The following ASIP variants were observed in gnomAD, a reference collection of about 807,000 sequenced individuals.
ASIP encodes agouti signaling protein, also known as agouti-signaling protein.
In ASIP, 11 loss-of-function variants were observed where a neutral mutation model predicts 10.3. The observed-to-expected ratio is 1.07, with a 90% CI of 0.68 to 1.78. The LOEUF (loss-of-function observed/expected upper bound fraction) is 1.78, where lower values mean the gene tolerates loss of function less well. Among genes scored for constraint, ASIP ranks in the 40% most tolerant of loss-of-function variants. The pLI is 0.00. For synonymous variants in ASIP, 70 were observed against 70.8 expected (o/e 0.99, Z 0.06); for missense variants, 180 against 169.2 (o/e 1.06, Z -0.35).
intron 1 of ASIP, chr20:34,214,381 G>C: frequency 6.0e-6 from 8 of 1,342,276 alleles, no homozygotes. Context: ...ACAGATGTAT[G>C]CTGATAGGAA....
rs35162473 is a variant in ASIP at position 34,200,757 on chromosome 20, C to CT, written c.-11+6001dup. ...TAGCAACCTAAGAATAATTTTTCAG[C>CT]TTTTGCCCTTAAGGTTTAAATTACA... On this transcript the variant is annotated intron_variant, in intron 1 of 3. Transcript: ENST00000568305. 3.6e-3 allele frequency among the ~76,000 whole-genome samples: 543 copies of CT among 152,278 alleles called. 5 individuals are homozygous for CT. The highest frequency in any genetic ancestry group is 3.1e-3 in the Non-Finnish European group (208 of 68,012).
At chr20:34,214,464 T>A in intron 1 of ASIP, 1 of 1,515,506 alleles carries the variant, frequency 6.6e-7, no homozygotes, top group African/African-American at 1.4e-5. Flanking sequence ...ACCTGAGAAG[T>A]GAGCACCATG....
At chr20:34,196,361 G>A (rs2034857303) in intron 1 of ASIP, among the ~76,000 whole-genome samples, 1 of 151,862 alleles carries the variant, frequency 6.6e-6, no homozygotes, top group East Asian at 1.9e-4. Context: ...TTTTAGTAGA[G>A]ACGGGGTTTC....
In ASIP at chr20:34,221,649, A is replaced by G. The variant is rs2035048643; in HGVS notation, c.-11+26889A>G. Among the ~76,000 whole-genome samples, 3 of 152,126 alleles carry G rather than the reference A, an allele frequency of 2.0e-5. No homozygotes were observed. The South Asian group carries it at 6.2e-4, about 31-fold the overall frequency. On this transcript the variant is annotated intron_variant, in intron 1 of 3. Coordinates refer to the ASIP transcript ENST00000568305. ...CACATTTAGACTTGATGTGGATGATACCAGGAGTCCTTTTAGGTTTTTGAG... is the reference window on the plus strand; with the variant it reads ...CACATTTAGACTTGATGTGGATGATGCCAGGAGTCCTTTTAGGTTTTTGAG...
At chr20:34,198,251 A>C (rs1016152745) in intron 1 of ASIP, among the ~76,000 whole-genome samples, 1 of 151,612 alleles carries the variant, frequency 6.6e-6, no homozygotes, top group Non-Finnish European at 1.5e-5. Flanking sequence ...CACCACACCC[A>C]GCTAATTTTT....
intron 1 of ASIP, among the ~76,000 whole-genome samples, chr20:34,258,700 A>ATATATATATATATATACTC (rs1555826880): frequency 1.3e-5 from 1 of 77,918 alleles, no homozygotes; most frequent in African/African-American, 4.7e-5. Context: ...TACATACTAT[A>ATATATATATATATATACTC]TATATATATT....
chr20:34,237,886 C>G (rs143991510), upstream of ASIP, among the ~76,000 whole-genome samples: 103 of 152,156 alleles, frequency 6.8e-4, 1 homozygote, highest in East Asian at 0.018. Context: ...TTGTCAAATG[C>G]TTTTCCTGCA....
At chr20:34,245,194 C>T (rs1418976861) in intron 1 of ASIP, among the ~76,000 whole-genome samples, 42 of 150,982 alleles carry the variant, frequency 2.8e-4, no homozygotes, top group Non-Finnish European at 4.4e-4. Context: ...ATTAGCTGGG[C>T]GTGGTGGCAG....
intron 1 of ASIP, among the ~76,000 whole-genome samples, chr20:34,245,086 A>G (rs1348833438): frequency 6.6e-6 from 1 of 152,080 alleles, no homozygotes; most frequent in African/African-American, 2.4e-5. Flanking sequence ...CTGTAATCCC[A>G]GCACTTTGGG....
intron 1 of ASIP, among the ~76,000 whole-genome samples, chr20:34,232,199 T>C (rs1258527572): frequency 6.6e-6 from 1 of 152,204 alleles, no homozygotes; most frequent in Non-Finnish European, 1.5e-5. Flanking sequence ...CAGGGAGATA[T>C]TACTTCACAG....
At chr20:34,250,455 T>C (rs1381842369) in intron 1 of ASIP, among the ~76,000 whole-genome samples, 1 of 152,092 alleles carries the variant, frequency 6.6e-6, no homozygotes, top group African/African-American at 2.4e-5. Context: ...ATCACCTAAG[T>C]CCAGGAGTTT....
rs1286188379 is a variant in ASIP at position 34,243,755 on chromosome 20, AT to A, written c.-11+2269del. Reference sequence around the variant, plus strand: ...ATACTTTACATTTTTCTAATATTGTATTTAAAAAAAAAAAAAAAAAACTGTC... The same window carrying A: ...ATACTTTACATTTTTCTAATATTGTATTAAAAAAAAAAAAAAAAAACTGTC... On this transcript the variant is annotated intron_variant, in intron 1 of 3. Transcript: ENST00000374954. Among the ~76,000 whole-genome samples, 9 of 137,326 alleles carry A rather than the reference AT, an allele frequency of 6.6e-5. No homozygotes were observed. In the South Asian group the frequency reaches 8.4e-4, roughly 13 times the overall value. The allele number at this position is 137,326 out of a possible 152,430, so 90.1% of individuals were successfully genotyped here.
intron 1 of ASIP, among the ~76,000 whole-genome samples, chr20:34,247,190 T>C (rs1283580063): frequency 6.6e-6 from 1 of 151,992 alleles, no homozygotes; most frequent in Non-Finnish European, 1.5e-5. Flanking sequence ...CTCTCCTAAA[T>C]AGCTATTTTT....
intron 1 of ASIP, among the ~76,000 whole-genome samples, chr20:34,247,482 T>G (rs144366798): frequency 6.6e-6 from 1 of 151,726 alleles, no homozygotes; most frequent in African/African-American, 2.4e-5. Context: ...TGTATTTTTG[T>G]AGAGACGAGG....
At chr20:34,256,854 C>T (rs1251457597) in intron 1 of ASIP, among the ~76,000 whole-genome samples, 1 of 152,106 alleles carries the variant, frequency 6.6e-6, no homozygotes, top group East Asian at 1.9e-4. Flanking sequence ...AATCACAGCT[C>T]ACTGTAGCCT....
intron 3 of ASIP, among the ~76,000 whole-genome samples, chr20:34,265,973 GA>G (rs1159530507): frequency 2.0e-5 from 3 of 151,960 alleles, no homozygotes; most frequent in Admixed American, 2.0e-4. Context: ...CGGAGGGGGG[GA>G]AGTTAAAACA....
chr20:34,258,890 T>C (rs1277007762), intron 1 of ASIP, among the ~76,000 whole-genome samples: 1 of 132,426 alleles, frequency 7.6e-6, no homozygotes, highest in African/African-American at 2.7e-5. Flanking sequence ...TATAGTATTA[T>C]ATATATAGTG....
the ASIP span, among the ~76,000 whole-genome samples, chr20:34,187,410 G>GA: frequency 1.4e-4 from 21 of 152,166 alleles, no homozygotes; most frequent in African/African-American, 4.3e-4. Flanking sequence ...TCTTCTCAGA[G>GA]AAAAAATCAA....
At chr20:34,216,313 G>C (rs1402307896) in intron 1 of ASIP, among the ~76,000 whole-genome samples, 1 of 152,244 alleles carries the variant, frequency 6.6e-6, no homozygotes, top group Non-Finnish European at 1.5e-5. Context: ...GGTGCCGCGC[G>C]GGCGGGCGCT....
Sources: allele counts gnomAD v4.1 joint callset (sites outside exome capture counted in the v4.1 genomes callset), GRCh38; gene constraint gnomAD v4.1.1; transcripts MANE v1.5; gene names NCBI Gene and HGNC (gene_info 2026-07-23, HGNC 2026-07-21).